NELL2: variants seen among roughly 807,000 people sequenced by gnomAD.
The protein encoded by NELL2 is protein kinase C-binding protein NELL2.
Under a neutral mutation model 109.6 loss-of-function variants are expected in NELL2, and 41 were observed. The ratio of observed to expected loss-of-function variants is 0.37; its 90% CI spans 0.29 to 0.49. The LOEUF is 0.49. Among genes scored for constraint, NELL2 ranks in the 20% least tolerant of loss-of-function variants. The pLI is 0.98. For synonymous variants in NELL2, 355 were observed against 344.7 expected (o/e 1.03, Z -0.33); for missense variants, 900 against 1,008.3 (o/e 0.89, Z 1.45).
At chr12:44,611,569 T>C (rs1382409384) in intron 13 of NELL2, among the ~76,000 whole-genome samples, 3 of 152,096 alleles carry the variant, frequency 2.0e-5, no homozygotes, top group Non-Finnish European at 2.9e-5. Context: ...TTGTAATATG[T>C]GCAAATACAA....
At chr12:44,668,109 C>A (rs1947997657) in intron 12 of NELL2, among the ~76,000 whole-genome samples, 1 of 152,182 alleles carries the variant, frequency 6.6e-6, no homozygotes, top group Non-Finnish European at 1.5e-5. Flanking sequence ...CATCCCTTCA[C>A]ATCCATCCAG....
chr12:44,796,753 T>C (rs936302150), intron 3 of NELL2, among the ~76,000 whole-genome samples: 1 of 152,056 alleles, frequency 6.6e-6, no homozygotes, highest in Non-Finnish European at 1.5e-5. Context: ...CAAAATTGTA[T>C]CACCAAGAGA....
At chr12:44,539,725 A>T (rs540136323) in intron 15 of NELL2, among the ~76,000 whole-genome samples, 2 of 152,306 alleles carry the variant, frequency 1.3e-5, no homozygotes, top group African/African-American at 2.4e-5. Context: ...GTTTTTATAA[A>T]TATTAATTTA....
chr12:44,834,578 A>T (rs2136732435), intron 2 of NELL2, among the ~76,000 whole-genome samples: 1 of 152,254 alleles, frequency 6.6e-6, no homozygotes, highest in Admixed American at 6.5e-5. Context: ...CTGGACAACA[A>T]TTTAGCAATA....
At chr12:44,852,031 T>C (rs1944549421) in intron 2 of NELL2, among the ~76,000 whole-genome samples, 1 of 152,172 alleles carries the variant, frequency 6.6e-6, no homozygotes, top group Non-Finnish European at 1.5e-5. Context: ...AAAAATAACA[T>C]TTATTTCACC....
rs377610554 is a variant in NELL2 at position 44,845,798 on chromosome 12, A to G, written c.184+29427T>C. Among the ~76,000 whole-genome samples the G allele has an allele frequency of 3.7e-4, 57 of 152,220 alleles. No individual in the cohort carries two copies. The East Asian group carries it at 7.7e-3, about 21-fold the overall frequency. On this transcript the variant is annotated intron_variant, in intron 2 of 19. Coordinates refer to ENST00000429094, the MANE Select transcript of NELL2 (RefSeq NM_001145108.2). ...GTCAGTCAGTTTTATTATTATATCTACTCTCAGGTTCCATGAGAGTTATCC... is the reference window on the plus strand; with the variant it reads ...GTCAGTCAGTTTTATTATTATATCTGCTCTCAGGTTCCATGAGAGTTATCC...
At chr12:44,764,858 GA>G (rs145043815) in intron 9 of NELL2, among the ~76,000 whole-genome samples, 9 of 146,950 alleles carry the variant, frequency 6.1e-5, no homozygotes, top group South Asian at 2.2e-4. Context: ...GAGAGAGAGA[GA>G]AAAAAAAAAG....
chr12:44,894,911 T>C (rs1484622229), intron 1 of NELL2, among the ~76,000 whole-genome samples: 1 of 152,204 alleles, frequency 6.6e-6, no homozygotes, highest in Non-Finnish European at 1.5e-5. Context: ...TTTCTTATCT[T>C]GTAGAAAGAC....
chr12:44,673,922 C>A (rs991331385), intron 12 of NELL2, among the ~76,000 whole-genome samples: 7 of 152,040 alleles, frequency 4.6e-5, no homozygotes, highest in Admixed American at 1.3e-4. Flanking sequence ...TAATTATGAG[C>A]TCTGAGACAC....
At chr12:44,826,341 A>AT (rs903026033) in intron 2 of NELL2, among the ~76,000 whole-genome samples, 2 of 151,906 alleles carry the variant, frequency 1.3e-5, no homozygotes, top group South Asian at 2.1e-4. Context: ...TGAGATTATC[A>AT]TTTTTTTTCA....
At chr12:44,520,467 A>T (rs1203472008) in intron 18 of NELL2, among the ~76,000 whole-genome samples, 2 of 152,172 alleles carry the variant, frequency 1.3e-5, no homozygotes, top group African/African-American at 4.8e-5. Flanking sequence ...TTTAAATAAC[A>T]CCAATAAAAC....
At chr12:44,586,676 G>C (rs2136218460) in intron 15 of NELL2, among the ~76,000 whole-genome samples, 1 of 152,252 alleles carries the variant, frequency 6.6e-6, no homozygotes, top group South Asian at 2.1e-4. Flanking sequence ...TTTTCTCACA[G>C]AGTTGCTATG....
intron 3 of NELL2, among the ~76,000 whole-genome samples, chr12:44,810,578 T>C (rs994821395): frequency 3.3e-5 from 5 of 152,140 alleles, no homozygotes; most frequent in African/African-American, 9.7e-5. Context: ...ATCTGCTGAT[T>C]TCCATGGAAT....
intron 15 of NELL2, among the ~76,000 whole-genome samples, chr12:44,576,014 G>A (rs145677779): frequency 1.0e-3 from 155 of 152,236 alleles, no homozygotes; most frequent in African/African-American, 3.4e-3. Flanking sequence ...TGTGCTCCAG[G>A]CACATTGGTC....
chr12:44,687,074 C>A (rs1454836742), intron 12 of NELL2, among the ~76,000 whole-genome samples: 2 of 152,218 alleles, frequency 1.3e-5, no homozygotes, highest in African/African-American at 2.4e-5. Context: ...GGGCATAGGA[C>A]CCTCCGAGCC....
At chr12:44,668,708 C>T (rs1405500993) in intron 12 of NELL2, among the ~76,000 whole-genome samples, 1 of 152,128 alleles carries the variant, frequency 6.6e-6, no homozygotes, top group African/African-American at 2.4e-5. Context: ...CTACCCCACC[C>T]ACCATCACTA....
intron 2 of NELL2, among the ~76,000 whole-genome samples, chr12:44,864,912 A>G (rs1189519612): frequency 6.6e-6 from 1 of 150,580 alleles, no homozygotes; most frequent in African/African-American, 2.5e-5. Flanking sequence ...GTCAAATGGT[A>G]TTTCTAGTTC....
At chr12:44,634,249 T>C (rs1946557072) in intron 13 of NELL2, among the ~76,000 whole-genome samples, 2 of 152,148 alleles carry the variant, frequency 1.3e-5, no homozygotes, top group South Asian at 4.1e-4. Flanking sequence ...GGTATACATG[T>C]GTCACGGTGG....
chr12:44,662,946 T>C (rs1947799731), intron 13 of NELL2, among the ~76,000 whole-genome samples: 1 of 152,170 alleles, frequency 6.6e-6, no homozygotes, highest in Non-Finnish European at 1.5e-5. Flanking sequence ...TGGTTTGACA[T>C]TCATTCTGGA....
Sources: allele counts gnomAD v4.1 joint callset (sites outside exome capture counted in the v4.1 genomes callset), GRCh38; gene constraint gnomAD v4.1.1; transcripts MANE v1.5; gene names NCBI Gene and HGNC (gene_info 2026-07-23, HGNC 2026-07-21).